TCOF1: variants seen among roughly 807,000 people sequenced by gnomAD.
TCOF1 encodes the protein treacle protein.
Under a neutral mutation model 149.0 loss-of-function variants are expected in TCOF1, and 33 were observed. The observed-to-expected ratio is 0.22, with a 90% CI of 0.17 to 0.30. The LOEUF (loss-of-function observed/expected upper bound fraction) is 0.30. Ranked by LOEUF, TCOF1 falls within the 10% of genes least tolerant of loss-of-function variation. TCOF1 has a pLI of 1.00. For synonymous variants in TCOF1, 789 were observed against 738.8 expected (o/e 1.07, Z -1.10); for missense variants, 1,728 against 1,840.7 (o/e 0.94, Z 1.12).
chr5:150,370,002 G>A (rs1762177351), intron 6 of TCOF1, among the ~76,000 whole-genome samples: 2 of 152,184 alleles, frequency 1.3e-5, no homozygotes, highest in Non-Finnish European at 2.9e-5. Context: ...GGCTAGGGCT[G>A]CGGCTGCTGA....
rs561947368 is a variant in TCOF1 at position 150,378,761 on chromosome 5, C to T, written c.2341-144C>T. 1.4e-5 allele frequency: 16 copies of T among 1,154,884 alleles called. No individual in the cohort carries two copies. In the African/African-American group the frequency reaches 1.5e-4, roughly 11 times the overall value. The allele number at this position is 1,154,884 out of a possible 1,614,324, so 71.5% of individuals were successfully genotyped here. ...GGACTGAACTGAGGCCCAGTGAGATCAAGTGATGAGCTCAGGTTCACACGC... is the reference window on the plus strand; with the variant it reads ...GGACTGAACTGAGGCCCAGTGAGATTAAGTGATGAGCTCAGGTTCACACGC... On this transcript the variant is annotated intron_variant, in intron 14 of 26. Transcript: ENST00000643257.
chr5:150,368,851 G>A lies in TCOF1; in HGVS notation c.514G>A (p.Glu172Lys). The change falls in exon 5 of 27, where the codon GAA (glutamate) becomes AAA (lysine). Residue 172 changes from glutamate to lysine, a missense_variant. By Grantham distance (56) the Glu-to-Lys change is moderately conservative. This residue lies in a region of TCOF1 where 1,696 missense variants were observed against 1,765.4 expected (regional missense o/e 0.96). Coordinates refer to ENST00000643257, the MANE Select transcript of TCOF1 (RefSeq NM_001371623.1). ...EPSANTTLVS[E>K]TEEEGSVPAF... ...CTCAGCAAATACTACGTTGGTCTCAGAAACTGAGGAGGAGGGCAGCGTCCC... is the reference window on the plus strand; with the variant it reads ...CTCAGCAAATACTACGTTGGTCTCAAAAACTGAGGAGGAGGGCAGCGTCCC... 6.2e-7 allele frequency: 1 copy of A among 1,614,022 alleles called. No homozygotes were observed. Among genetic ancestry groups the A allele is most frequent in the African/African-American group, 1.3e-5 (1 of 75,062 alleles).
intron 12 of TCOF1, 22 bp from the exon 13 acceptor site, chr5:150,376,060 C>G (rs1763722885): frequency 6.2e-7 from 1 of 1,613,706 alleles, no homozygotes; most frequent in African/African-American, 1.3e-5. Context: ...CCTTCTCCAG[C>G]CTTTCTTTGG....
chr5:150,385,186 C>A, intron 17 of TCOF1: 1 of 720,720 alleles, frequency 1.4e-6, no homozygotes, highest in African/African-American at 1.9e-5. Flanking sequence ...TTTTTTAAGG[C>A]CAACTTCTTC....
At chr5:150,389,792 T>A in intron 18 of TCOF1, 95 bp from the exon 19 acceptor site, 3 of 1,605,390 alleles carry the variant, frequency 1.9e-6, no homozygotes, top group Non-Finnish European at 2.6e-6. Context: ...CAGCTCTAGA[T>A]CACCAGCACA....
At chr5:150,384,084 C>G (rs977225601) in intron 17 of TCOF1, 28 of 1,277,186 alleles carry the variant, frequency 2.2e-5, no homozygotes, top group Non-Finnish European at 2.7e-5. Context: ...TCTGCAACCT[C>G]CAGACCAGAG....
In TCOF1 at chr5:150,372,353, A is replaced by G. The variant is rs192977513; in HGVS notation, c.870+117A>G. The stretch of plus-strand genomic sequence containing the variant: ...GGGGAGAGGGAGGACTATGGTGTGA[A>G]GTTGAAGAGCAAGAACAGCCTGCTT... On this transcript the variant is annotated intron_variant, in intron 7 of 26. Coordinates refer to ENST00000643257, the MANE Select transcript of TCOF1 (RefSeq NM_001371623.1). 1.2e-4 allele frequency: 108 copies of G among 902,114 alleles called. No homozygotes were observed. The East Asian group carries it at 2.8e-3, about 23-fold the overall frequency. The allele number at this position is 902,114 out of a possible 1,614,324, so 55.9% of individuals were successfully genotyped here.
intron 17 of TCOF1, chr5:150,380,559 T>G (rs1764927269): frequency 6.6e-6 from 1 of 152,310 alleles, no homozygotes; most frequent in African/African-American, 2.4e-5. Context: ...GCCTGGACCC[T>G]GGAGAGTGGG....
chr5:150,375,591 C>T (rs764553202), intron 11 of TCOF1, 37 bp downstream of exon 11: 23 of 1,613,486 alleles, frequency 1.4e-5, no homozygotes, highest in South Asian at 2.2e-5. Context: ...TCTTTTTCCC[C>T]CCCACTCAGA....
intron 17 of TCOF1, among the ~76,000 whole-genome samples, chr5:150,385,812 TAGGG>T (rs1217407635): frequency 6.6e-6 from 1 of 152,150 alleles, no homozygotes; most frequent in Non-Finnish European, 1.5e-5. Flanking sequence ...CCAGCACCTA[TAGGG>T]AGGTACAACC....
chr5:150,379,799 T>G, intron 17 of TCOF1, 67 bp downstream of exon 17: 1 of 1,566,116 alleles, frequency 6.4e-7, no homozygotes, highest in Non-Finnish European at 8.7e-7. Context: ...GGGCTGGGCG[T>G]GGTGGCTCAC....
chr5:150,359,968 G>C (rs1397538362), intron 1 of TCOF1, among the ~76,000 whole-genome samples: 1 of 152,122 alleles, frequency 6.6e-6, no homozygotes, highest in African/African-American at 2.4e-5. Flanking sequence ...TAGTTAACAG[G>C]GGAGAGAACA....
At chr5:150,398,289 C>T in intron 24 of TCOF1, 65 bp from the exon 25 acceptor site, 1 of 1,607,902 alleles carries the variant, frequency 6.2e-7, no homozygotes, top group South Asian at 1.1e-5. Flanking sequence ...GTGCACCTCC[C>T]AACATTGACC....
intron 7 of TCOF1, among the ~76,000 whole-genome samples, chr5:150,372,995 G>C (rs1006391686): frequency 6.6e-6 from 1 of 152,184 alleles, no homozygotes; most frequent in Non-Finnish European, 1.5e-5. Context: ...CCCATCTACA[G>C]GGAACTTCTA....
chr5:150,395,608 CAA>C (rs1768315555), intron 23 of TCOF1, among the ~76,000 whole-genome samples: 1 of 151,196 alleles, frequency 6.6e-6, no homozygotes, highest in South Asian at 2.1e-4. Flanking sequence ...AAATTCTAAA[CAA>C]AGGCTGCACC....
intron 23 of TCOF1, 124 bp downstream of exon 23, chr5:150,393,676 A>AGTG (rs1406726826): frequency 7.6e-7 from 1 of 1,321,006 alleles, no homozygotes; most frequent in African/African-American, 1.5e-5. Context: ...AGCCTCTCCA[A>AGTG]GTGAGACCTT....
intron 6 of TCOF1, 101 bp from the exon 7 acceptor site, chr5:150,371,905 C>A: frequency 9.2e-7 from 1 of 1,081,534 alleles, no homozygotes; most frequent in Non-Finnish European, 1.4e-6. Flanking sequence ...AATCCAGTGA[C>A]ATTAGGAAAG....
At position 150,375,895 on chromosome 5, in the gene TCOF1, A is replaced by C. The variant is rs753733229; in HGVS notation, c.1879A>C (p.Met627Leu). Residue 627 changes from methionine (M) to leucine (L), a missense_variant, in exon 12 of 27, where the codon ATG (methionine) becomes CTG (leucine). Transcript: ENST00000643257. ...SADSEEAPAA[M>L]TAAQAKPALK... ...GGACAGTGAGGAGGCACCAGCAGCC[A>C]TGACTGCAGCTCAGGTGAGGCCTGG... is the stretch of plus-strand genomic sequence containing the variant. 1.2e-6 allele frequency: 2 copies of C among 1,614,144 alleles called. No individual in the cohort carries two copies.
intron 23 of TCOF1, chr5:150,394,941 GGCA>G (rs1392279296): frequency 7.2e-6 from 1 of 138,676 alleles, no homozygotes; most frequent in Non-Finnish European, 1.6e-5. Context: ...AAAAAAAAAA[GGCA>G]GCAGCAGAAA....
Sources: allele counts gnomAD v4.1 joint callset (sites outside exome capture counted in the v4.1 genomes callset), GRCh38; gene constraint gnomAD v4.1.1; regional missense constraint gnomAD v4.1.1; transcripts MANE v1.5; gene names NCBI Gene and HGNC (gene_info 2026-07-23, HGNC 2026-07-21).